The following RANBP17 variants were observed in gnomAD, a reference collection of about 807,000 sequenced individuals.
The protein encoded by RANBP17 is ran-binding protein 17.
A neutral mutation model predicts 141.2 loss-of-function variants in RANBP17; 158 were observed. The observed-to-expected ratio is 1.12, with a 90% CI of 0.98 to 1.28. The LOEUF (loss-of-function observed/expected upper bound fraction) is 1.28, where lower values mean the gene tolerates loss of function less well. Ranked by LOEUF, RANBP17 falls within the 50% of genes most tolerant of loss-of-function variation. The pLI, the probability that RANBP17 is intolerant of heterozygous loss-of-function variation, is 0.00. For missense variants in RANBP17, 1,438 were observed against 1,290.7 expected (o/e 1.11, Z -1.75); for synonymous variants, 430 against 450.0 (o/e 0.96, Z 0.56).
intron 14 of RANBP17, among the ~76,000 whole-genome samples, chr5:171,011,569 ATTT>A (rs1368726833): frequency 6.6e-6 from 1 of 152,010 alleles, no homozygotes; most frequent in Non-Finnish European, 1.5e-5. Flanking sequence ...ATTTTGCCAC[ATTT>A]GTTTTACCTC....
At chr5:171,122,058 G>A (rs780040565) in intron 14 of RANBP17, among the ~76,000 whole-genome samples, 2 of 152,150 alleles carry the variant, frequency 1.3e-5, no homozygotes, top group East Asian at 1.9e-4. Context: ...TTGGGGGCTG[G>A]TGGGGTTCTT....
intron 20 of RANBP17, chr5:171,206,350 A>G (rs1762580210): frequency 6.4e-6 from 1 of 155,424 alleles, no homozygotes; most frequent in Non-Finnish European, 1.4e-5. Context: ...TAACCATTAA[A>G]ATAGGTAAAG....
At chr5:170,950,959 G>A (rs952369079) in intron 12 of RANBP17, among the ~76,000 whole-genome samples, 3 of 152,210 alleles carry the variant, frequency 2.0e-5, no homozygotes, top group Admixed American at 2.0e-4. Flanking sequence ...AGTGAAATAA[G>A]CCTGGCACGG....
chr5:170,916,400 G>A (rs1771971148), intron 8 of RANBP17, 65 bp from the exon 9 acceptor site: 1 of 1,218,672 alleles, frequency 8.2e-7, no homozygotes, highest in African/African-American at 1.5e-5. Context: ...GTAAAGACTA[G>A]TATTCCTTAC....
At chr5:170,974,766 A>G (rs144748787) in intron 14 of RANBP17, among the ~76,000 whole-genome samples, 20 of 152,248 alleles carry the variant, frequency 1.3e-4, no homozygotes, top group South Asian at 4.2e-4. Flanking sequence ...TTTACTCTCT[A>G]TGCCCTCTGA....
In RANBP17 at chr5:170,862,043, C is replaced by T. The variant is rs1030666282; in HGVS notation, c.10C>T (p.His4Tyr). The change falls in exon 1 of 28, where the codon CAC (histidine) becomes TAC (tyrosine). Residue 4 changes from histidine (H) to tyrosine (Y), a missense_variant. Physicochemically the swap from His to Tyr is moderately conservative, Grantham distance 83. Coordinates refer to ENST00000523189, the MANE Select transcript of RANBP17 (RefSeq NM_022897.5). MAL[H>Y]FQSLAELEVL... ...GCCGCCTCCTGGGAAGATGGCGCTG[C>T]ACTTCCAGGTCAGTGTGCTCTGCGC... 3.4e-6 allele frequency: 5 copies of T among 1,463,440 alleles called. No individual in the cohort carries two copies. In the African/African-American group the frequency reaches 7.4e-5, roughly 22 times the overall value. 90.7% of individuals were successfully genotyped at this position (1,463,440 alleles called of 1,614,324 possible).
chr5:170,928,808 T>A (rs1280793445), intron 12 of RANBP17, among the ~76,000 whole-genome samples: 1 of 152,026 alleles, frequency 6.6e-6, no homozygotes, highest in Admixed American at 6.6e-5. Flanking sequence ...ATTCTAGGTC[T>A]TTTGGCTTTA....
chr5:171,172,358 A>G (rs1283507621), intron 16 of RANBP17, among the ~76,000 whole-genome samples: 1 of 151,796 alleles, frequency 6.6e-6, no homozygotes, highest in African/African-American at 2.4e-5. Context: ...AATTTTGAGG[A>G]TTTCAGGATT....
At chr5:171,194,807 A>G (rs1761866641) in intron 18 of RANBP17, among the ~76,000 whole-genome samples, 1 of 152,228 alleles carries the variant, frequency 6.6e-6, no homozygotes, top group Non-Finnish European at 1.5e-5. Flanking sequence ...ACACCATATT[A>G]ACAATGGTTG....
At chr5:171,209,976 GGATA>G (rs150501300) in intron 20 of RANBP17, among the ~76,000 whole-genome samples, 4,969 of 152,260 alleles carry the variant, frequency 0.033, 147 homozygotes, top group East Asian at 0.12. Flanking sequence ...ATGGATGGAT[GGATA>G]GATATTGTAA....
chr5:171,086,510 A>G (rs887974441), intron 14 of RANBP17, among the ~76,000 whole-genome samples: 99 of 131,476 alleles, frequency 7.5e-4, no homozygotes, highest in Non-Finnish European at 3.4e-4. Flanking sequence ...CTCTTTTTCT[A>G]TTGATTGGAA....
intron 25 of RANBP17, among the ~76,000 whole-genome samples, chr5:171,272,937 A>G (rs1390504126): frequency 2.0e-5 from 3 of 152,112 alleles, no homozygotes; most frequent in Non-Finnish European, 2.9e-5. Context: ...ACCCACACCC[A>G]TTCATTAATT....
At chr5:170,980,615 G>A (rs1419658379) in intron 14 of RANBP17, among the ~76,000 whole-genome samples, 1 of 152,230 alleles carries the variant, frequency 6.6e-6, no homozygotes, top group Non-Finnish European at 1.5e-5. Context: ...CACCTTCCAT[G>A]TGGTGTTGAG....
Position 170,936,064 on chromosome 5 carries a change from G to A in RANBP17, c.1468+11514G>A, listed in dbSNP as rs528673851. Among the ~76,000 whole-genome samples, 15 of 152,312 alleles carry A rather than the reference G, an allele frequency of 9.8e-5. No individual in the cohort carries two copies. In the South Asian group the frequency reaches 1.7e-3, roughly 17 times the overall value. ...TCAGGCTCTTGTGCTAGCAGTGAGCGAGGCTCCGTGGGCATGGGACCCTCC... is the reference window on the plus strand; with the variant it reads ...TCAGGCTCTTGTGCTAGCAGTGAGCAAGGCTCCGTGGGCATGGGACCCTCC... On this transcript the variant is annotated intron_variant, in intron 12 of 27. Transcript: ENST00000523189.
intron 27 of RANBP17, 49 bp from the exon 28 acceptor site, chr5:171,298,713 G>T (rs573594469): frequency 2.8e-5 from 41 of 1,453,430 alleles, no homozygotes; most frequent in Non-Finnish European, 3.9e-5. Flanking sequence ...GAAATTCATG[G>T]AGGCTTTGCC....
intron 14 of RANBP17, among the ~76,000 whole-genome samples, chr5:171,148,597 T>C (rs528010389): frequency 6.6e-6 from 1 of 150,844 alleles, no homozygotes. Flanking sequence ...TATATCTGTA[T>C]TGATATATAT....
intron 16 of RANBP17, 42 bp downstream of exon 16, chr5:171,171,328 C>T (rs564834365): frequency 9.1e-7 from 1 of 1,095,180 alleles, no homozygotes; most frequent in Admixed American, 2.3e-5. Flanking sequence ...TGTAAACAAC[C>T]TAGCAGATGC....
chr5:171,142,842 A>C (rs1159617572), intron 14 of RANBP17, among the ~76,000 whole-genome samples: 2 of 152,224 alleles, frequency 1.3e-5, no homozygotes, highest in Non-Finnish European at 2.9e-5. Flanking sequence ...AATGACTGTC[A>C]ATAATAGCTA....
chr5:171,218,192 G>A (rs976864508), intron 21 of RANBP17, among the ~76,000 whole-genome samples: 3 of 152,186 alleles, frequency 2.0e-5, no homozygotes, highest in African/African-American at 4.8e-5. Context: ...CCATGTAGTT[G>A]TGTGGTTTTG....
Sources: gnomAD v4.1 joint callset for allele counts (sites outside exome capture counted in the v4.1 genomes callset) on GRCh38, gnomAD v4.1.1 for gene constraint, MANE v1.5 for transcripts, NCBI Gene and HGNC (gene_info 2026-07-23, HGNC 2026-07-21) for gene names.